The following MYO9B variants were observed in gnomAD, a reference collection of about 807,000 sequenced individuals.
MYO9B encodes unconventional myosin-IXb.
MYO9B carries 71 observed loss-of-function variants against 229.5 expected under a neutral mutation model. The ratio of observed to expected loss-of-function variants is 0.31; its 90% confidence interval spans 0.26 to 0.38. MYO9B has a LOEUF of 0.38. Ranked by LOEUF, MYO9B falls within the 10% of genes least tolerant of loss-of-function variation. MYO9B has a pLI of 1.00. For synonymous variants in MYO9B, 1,185 were observed against 1,235.8 expected, an observed-to-expected ratio of 0.96 and a Z score of 0.86; for missense variants, 2,255 against 2,920.5, an observed-to-expected ratio of 0.77 and a Z score of 5.25.
intron 2 of MYO9B, chr19:17,103,884 C>T (rs558610345): frequency 6.6e-6 from 1 of 151,956 alleles, no homozygotes; most frequent in East Asian, 1.9e-4. Context: ...GATGAAACCT[C>T]GTTTCTACTA....
chr19:17,178,656 C>T lies in MYO9B; in HGVS notation c.2220-2271C>T, dbSNP rs2072818183. ...GTGCCAAAGTTTGCACCTCCGCGTG[C>T]GTGCTCAAGCCTAAGCCCACAGCCA... On this transcript the variant is annotated intron_variant, in intron 14 of 39. Transcript: ENST00000682292. 2.6e-5 allele frequency among the ~76,000 whole-genome samples: 4 copies of T among 152,224 alleles called. No homozygotes were observed. The South Asian group carries it at 8.3e-4, about 32-fold the overall frequency.
intron 1 of MYO9B, among the ~76,000 whole-genome samples, chr19:17,091,302 T>A (rs2057635567): frequency 6.6e-6 from 1 of 152,240 alleles, no homozygotes; most frequent in Admixed American, 6.5e-5. Context: ...CACAGCTCAC[T>A]GCAGCCTTGG....
chr19:17,211,760 GGGGGGCCTC>G lies in MYO9B; in HGVS notation c.6047_6055del (p.Gly2016_Ser2018del), dbSNP rs769951003. On this transcript the variant is annotated inframe_deletion, in exon 39 of 40. Transcript: ENST00000682292. ...AGCCTGCTGGAGGAGCGGGCCGGGC[GGGGGGCCTC>G]GGAAGGTCAGTATTAAGGTAGCGTC... 1.9e-6 allele frequency: 3 copies of G among 1,612,910 alleles called. No individual in the cohort carries two copies. The highest frequency in any genetic ancestry group is 2.5e-6 in the Non-Finnish European group (3 of 1,179,698).
At chr19:17,162,920 C>A in intron 9 of MYO9B, 68 bp from the exon 10 acceptor site, 1 of 1,541,544 alleles carries the variant, frequency 6.5e-7, no homozygotes, top group Non-Finnish European at 8.8e-7. Flanking sequence ...AGAGCCAACC[C>A]CTCTCATGAA....
At position 17,205,952 on chromosome 19, in the gene MYO9B, C is replaced by T. The variant is rs2073155812; in HGVS notation, c.5065-8C>T. 1 of 1,549,448 alleles carries T rather than the reference C, an allele frequency of 6.5e-7. No individual in the cohort carries two copies. The highest frequency in any genetic ancestry group is 1.4e-5 in the African/African-American group (1 of 73,644). On this transcript the variant is annotated splice_region_variant and splice_polypyrimidine_tract_variant and intron_variant, in intron 31 of 39. Transcript: ENST00000682292. ...GCCCAGACCTGACCCCCAACCCCGG[C>T]ACTGCAGGGCGAGCCAGGCGTTGAG...
Position 17,212,179 on chromosome 19 carries a change from G to A in MYO9B, c.6343G>A (p.Gly2115Arg), listed in dbSNP as rs768505727. Residue 2115 changes from glycine (G) to arginine (R), a missense_variant, in exon 40 of 40, where the codon GGG (glycine) becomes AGG (arginine). Around this residue, in one of 7 missense-constraint regions of MYO9B, gnomAD observed 331 missense variants for 332.5 expected, o/e 1.00. Transcript: ENST00000682292. The surrounding 1 kb of genome is among the most constrained non-coding windows in gnomAD (Gnocchi z 5.4). ...GATACATTCCGTGTACATCACGCCC[G>A]GGGCAGACCTGCCAGTGCAGGGCGC... ...DQIHSVYITPGADLPVQGALE... is the reference protein window; with the variant it reads ...DQIHSVYITPRADLPVQGALE... 56 of 1,581,116 alleles carry A rather than the reference G, an allele frequency of 3.5e-5. No individual in the cohort carries two copies. The highest frequency in any genetic ancestry group is 1.8e-4 in the African/African-American group (13 of 74,090).
rs764932023 is a variant in MYO9B at position 17,102,115 on chromosome 19, G to A, written c.398G>A (p.Arg133Gln). Reference protein sequence around the residue: ...MQLVAQATATRRLVERGLLPR... With the variant: ...MQLVAQATATQRLVERGLLPR... ...CTGGTGGCGCAGGCCACAGCCACCCGGCGCCTAGTGGAGCGTGGCCTCCTG... is the reference window on the plus strand; with the variant it reads ...CTGGTGGCGCAGGCCACAGCCACCCAGCGCCTAGTGGAGCGTGGCCTCCTG... The change falls in exon 2 of 40, where the codon CGG becomes CAG. Residue 133 changes from arginine to glutamine, a missense_variant. Transcript: ENST00000682292. 5.0e-5 allele frequency: 80 copies of A among 1,613,336 alleles called. No individual in the cohort carries two copies. In the East Asian group the frequency reaches 9.6e-4, roughly 19 times the overall value.
chr19:17,127,911 C>G (rs1391710226), intron 2 of MYO9B, among the ~76,000 whole-genome samples: 1 of 152,232 alleles, frequency 6.6e-6, no homozygotes, highest in African/African-American at 2.4e-5. Context: ...CCGCTTAATC[C>G]TCCATCTGCT....
chr19:17,181,124 C>G, intron 15 of MYO9B, 84 bp downstream of exon 15: 1 of 939,932 alleles, frequency 1.1e-6, no homozygotes, highest in East Asian at 2.6e-5. Flanking sequence ...CTGCAGTCTT[C>G]CTAATTTGCA....
Position 17,175,697 on chromosome 19 carries a change from A to G in MYO9B, c.2175A>G (p.Glu725=). Residue 725 remains glutamate, a synonymous_variant, in exon 14 of 40, where the codon GAA becomes GAG. Transcript: ENST00000682292. The part of the protein sequence containing the change: ...MSSPGAQSHP[E]ELPRGASTPS... The stretch of plus-strand genomic sequence containing the variant: ...GCCCTGGTGCCCAAAGTCACCCAGA[A>G]GAGCTGCCAAGAGGAGCCAGCACCC... 2 of 1,574,652 alleles carry G rather than the reference A, an allele frequency of 1.3e-6. No individual in the cohort carries two copies. Among genetic ancestry groups the G allele is most frequent in the Non-Finnish European group, 1.7e-6 (2 of 1,160,500 alleles).
intron 1 of MYO9B, among the ~76,000 whole-genome samples, chr19:17,100,623 C>T (rs951596333): frequency 2.0e-5 from 3 of 152,196 alleles, no homozygotes; most frequent in Admixed American, 6.5e-5. Flanking sequence ...CATTGAGAAT[C>T]TCCTGTGGTC....
intron 3 of MYO9B, among the ~76,000 whole-genome samples, chr19:17,151,265 C>A: frequency 7.3e-6 from 1 of 136,640 alleles, no homozygotes; most frequent in Admixed American, 7.6e-5. Context: ...GCAACGAGAG[C>A]AAAACTCCAT....
chr19:17,128,353 TG>T, intron 2 of MYO9B, among the ~76,000 whole-genome samples: 2 of 152,252 alleles, frequency 1.3e-5, no homozygotes, highest in South Asian at 4.1e-4. Context: ...ATCACACCAC[TG>T]TACTCTAGCC....
intron 11 of MYO9B, among the ~76,000 whole-genome samples, chr19:17,168,406 T>C (rs1367873320): frequency 6.6e-6 from 1 of 152,108 alleles, no homozygotes; most frequent in Non-Finnish European, 1.5e-5. Context: ...GCTCAAGGGA[T>C]CCTCCCGCCT....
chr19:17,145,005 TAG>T (rs2072391260), intron 2 of MYO9B, among the ~76,000 whole-genome samples: 1 of 134,622 alleles, frequency 7.4e-6, no homozygotes, highest in African/African-American at 2.7e-5. Context: ...AAAGAAAAAA[TAG>T]AGACTGGGCA....
At chr19:17,082,581 A>G (rs985776586) in intron 1 of MYO9B, among the ~76,000 whole-genome samples, 1 of 151,544 alleles carries the variant, frequency 6.6e-6, no homozygotes, top group African/African-American at 2.4e-5. Flanking sequence ...TTCCCAGGGT[A>G]TGGGTACTCA....
At chr19:17,144,847 G>A (rs1016781479) in intron 2 of MYO9B, among the ~76,000 whole-genome samples, 2 of 151,554 alleles carry the variant, frequency 1.3e-5, no homozygotes, top group South Asian at 2.1e-4. Flanking sequence ...GCGTGCGCCT[G>A]TAATCCCAGC....
In MYO9B at chr19:17,135,629, G is replaced by T. The variant is rs28597749; in HGVS notation, c.841-9768G>T. On this transcript the variant is annotated intron_variant, in intron 2 of 39. Transcript: ENST00000682292. ...GATGGGCTTTGAAAAGTCGCAGTGT[G>T]CTGAGACCGCATACCAGACGCGTGA... Among the ~76,000 whole-genome samples the T allele has an allele frequency of 2.9e-3, 436 of 152,298 alleles. 2 individuals are homozygous for T. Among genetic ancestry groups the T allele is most frequent in the African/African-American group, 0.01 (423 of 41,570 alleles).
intron 26 of MYO9B, among the ~76,000 whole-genome samples, chr19:17,201,163 G>A (rs1241106433): frequency 6.6e-6 from 1 of 152,190 alleles, no homozygotes; most frequent in Non-Finnish European, 1.5e-5. Context: ...GAGCCCAAGA[G>A]GTCGAGGCAC....
Sources: allele counts gnomAD v4.1 joint callset (sites outside exome capture counted in the v4.1 genomes callset), GRCh38; gene constraint gnomAD v4.1.1; regional missense constraint gnomAD v4.1.1; non-coding constraint Gnocchi (gnomAD v3.1); transcripts MANE v1.5; gene names NCBI Gene and HGNC (gene_info 2026-07-23, HGNC 2026-07-21).